TASP1: variants seen among roughly 807,000 people sequenced by gnomAD.
TASP1 encodes the protein threonine aspartase 1.
In TASP1, 16 loss-of-function variants were observed where a neutral mutation model predicts 56.6. That is an observed-to-expected ratio of 0.28 (90% CI 0.19 to 0.43). The LOEUF is 0.43. Ranked by LOEUF, TASP1 falls within the 20% of genes least tolerant of loss-of-function variation. TASP1 has a pLI of 1.00. For missense variants in TASP1, 393 were observed against 511.6 expected (o/e 0.77, Z 2.24); for synonymous variants, 179 against 184.2 (o/e 0.97, Z 0.23).
the TASP1 span, among the ~76,000 whole-genome samples, chr20:13,170,984 G>A: frequency 6.6e-6 from 1 of 152,162 alleles, no homozygotes; most frequent in African/African-American, 2.4e-5. Flanking sequence ...CATGAATAAG[G>A]CTCTGTGTGT....
chr20:13,511,466 A>G (rs1356162282), intron 10 of TASP1, among the ~76,000 whole-genome samples: 1 of 152,148 alleles, frequency 6.6e-6, no homozygotes, highest in Non-Finnish European at 1.5e-5. Context: ...CGTTAACTGC[A>G]ACCCAAAGCA....
the TASP1 span, among the ~76,000 whole-genome samples, chr20:13,364,538 TAGAC>T: frequency 6.6e-6 from 1 of 152,166 alleles, no homozygotes. Flanking sequence ...TGACCAAAGA[TAGAC>T]AGATAGTCAA....
At chr20:13,358,038 G>A in the TASP1 span, among the ~76,000 whole-genome samples, 24,307 of 152,016 alleles carry the variant, frequency 0.16, 2,094 homozygotes, top group Admixed American at 0.23. Flanking sequence ...GTAAATGGCC[G>A]GTCCTTGCCT....
the TASP1 span, among the ~76,000 whole-genome samples, chr20:13,253,819 T>TA: frequency 6.6e-6 from 1 of 151,168 alleles, no homozygotes; most frequent in Non-Finnish European, 1.5e-5. Flanking sequence ...TCTTAAAATT[T>TA]AAAAAAAAGC....
chr20:13,350,555 G>A, the TASP1 span, among the ~76,000 whole-genome samples: 1 of 152,142 alleles, frequency 6.6e-6, no homozygotes, highest in African/African-American at 2.4e-5. Flanking sequence ...AAAAAAGAAT[G>A]AAAGGCAAGC....
chr20:13,555,396 A>T (rs2046122718), intron 8 of TASP1, among the ~76,000 whole-genome samples: 1 of 151,456 alleles, frequency 6.6e-6, no homozygotes, highest in East Asian at 1.9e-4. Flanking sequence ...AAAAAAAAAA[A>T]AAAAAAAAAA....
At chr20:13,581,002 T>A (rs766921570) in intron 5 of TASP1, 21 bp from the exon 6 acceptor site, 97 of 903,056 alleles carry the variant, frequency 1.1e-4, no homozygotes, top group South Asian at 4.9e-4. Context: ...AAAAAAAAAA[T>A]TGGCAAAAAA....
chr20:13,140,948 G>A, the TASP1 span, among the ~76,000 whole-genome samples: 1 of 152,162 alleles, frequency 6.6e-6, no homozygotes, highest in Admixed American at 6.5e-5. Context: ...CTAACCCAAT[G>A]TGGACTGGGA....
At chr20:13,132,154 C>A in the TASP1 span, among the ~76,000 whole-genome samples, 26 of 150,628 alleles carry the variant, frequency 1.7e-4, no homozygotes, top group Non-Finnish European at 3.5e-4. Flanking sequence ...CCCTCTAATT[C>A]TCCTCACCTT....
the TASP1 span, among the ~76,000 whole-genome samples, chr20:13,301,513 T>C: frequency 6.6e-6 from 1 of 152,302 alleles, no homozygotes; most frequent in South Asian, 2.1e-4. Flanking sequence ...ATGAATTATT[T>C]ACACCTTAGA....
intron 4 of TASP1, among the ~76,000 whole-genome samples, chr20:13,592,413 T>A (rs1056660621): frequency 2.4e-4 from 32 of 131,816 alleles, no homozygotes; most frequent in Middle Eastern, 3.7e-3. Flanking sequence ...AAAAAAAAAA[T>A]TATATTCAAA....
the TASP1 span, among the ~76,000 whole-genome samples, chr20:13,276,017 G>A: frequency 6.6e-6 from 1 of 152,228 alleles, no homozygotes; most frequent in African/African-American, 2.4e-5. Flanking sequence ...TGTTCTTAGA[G>A]CATCAGCAGG....
At chr20:13,374,639 C>T in the TASP1 span, among the ~76,000 whole-genome samples, 1 of 152,212 alleles carries the variant, frequency 6.6e-6, no homozygotes, top group East Asian at 1.9e-4. Flanking sequence ...TGAGCCACCA[C>T]ACCTGGCCTC....
chr20:13,473,393 G>A (rs1366633893), intron 11 of TASP1, among the ~76,000 whole-genome samples: 1 of 152,026 alleles, frequency 6.6e-6, no homozygotes, highest in Non-Finnish European at 1.5e-5. Flanking sequence ...TGTAAATGAC[G>A]AGTTAATGGG....
the TASP1 span, among the ~76,000 whole-genome samples, chr20:13,187,709 G>A: frequency 7.5e-6 from 1 of 132,694 alleles, no homozygotes; most frequent in Non-Finnish European, 1.5e-5. Flanking sequence ...ACTCCAGCCT[G>A]GCGACAGAGT....
At chr20:13,299,574 T>C in the TASP1 span, 1 of 967,252 alleles carries the variant, frequency 1.0e-6, no homozygotes, top group Non-Finnish European at 1.5e-6. This position sits in a 1 kb window ranked among gnomAD's most constrained non-coding sequence, Gnocchi z 5.8. Flanking sequence ...TATTTGTATA[T>C]ACCACATGAG....
chr20:13,599,356 G>A (rs1361569510), intron 4 of TASP1, among the ~76,000 whole-genome samples: 2 of 152,166 alleles, frequency 1.3e-5, no homozygotes, highest in Non-Finnish European at 2.9e-5. Context: ...CATAAAAAAG[G>A]ATGAGTTCAT....
chr20:13,277,660 T>C, the TASP1 span, among the ~76,000 whole-genome samples: 4 of 150,964 alleles, frequency 2.6e-5, no homozygotes, highest in African/African-American at 4.9e-5. Flanking sequence ...TTTTTTTTAC[T>C]TTTGGGATTA....
chr20:13,481,652 T>G (rs2043146038), intron 11 of TASP1, among the ~76,000 whole-genome samples: 1 of 152,196 alleles, frequency 6.6e-6, no homozygotes, highest in African/African-American at 2.4e-5. Flanking sequence ...TAGTTTTGAT[T>G]TGCATTTCTC....
Sources: allele counts gnomAD v4.1 joint callset (sites outside exome capture counted in the v4.1 genomes callset), GRCh38; gene constraint gnomAD v4.1.1; non-coding constraint Gnocchi (gnomAD v3.1); transcripts MANE v1.5; gene names NCBI Gene and HGNC (gene_info 2026-07-23, HGNC 2026-07-21).